The following NAPG variants were observed in gnomAD, a reference collection of about 807,000 sequenced individuals.
NAPG encodes the protein NSF attachment protein gamma, also known as gamma-soluble NSF attachment protein.
A neutral mutation model predicts 48.4 loss-of-function variants in NAPG; 25 were observed. That is an observed-to-expected ratio of 0.52 (90% CI 0.38 to 0.72). NAPG has a LOEUF of 0.72. NAPG is among the 30% of genes least tolerant of loss of function. The pLI is 0.00. For synonymous variants in NAPG, 139 were observed against 127.2 expected (o/e 1.09, Z -0.62); for missense variants, 359 against 372.5 (o/e 0.96, Z 0.30).
chr18:10,526,246 G>GGGGGGGGGGGGGGGGC, intron 1 of NAPG, 88 bp downstream of exon 1: 1 of 490,186 alleles, frequency 2.0e-6, no homozygotes, highest in East Asian at 5.8e-5. Flanking sequence ...GGGCGGGAGG[G>GGGGGGGGGGGGGGGGC]AGGGCTCAGG....
At chr18:10,541,008 TC>T (rs1210463052) in intron 8 of NAPG, among the ~76,000 whole-genome samples, 1 of 152,178 alleles carries the variant, frequency 6.6e-6, no homozygotes, top group Non-Finnish European at 1.5e-5. Flanking sequence ...TCTGCAGATA[TC>T]TTAATTGAAA....
intron 2 of NAPG, among the ~76,000 whole-genome samples, chr18:10,531,930 T>TA (rs1441314807): frequency 6.6e-6 from 1 of 152,196 alleles, no homozygotes; most frequent in Non-Finnish European, 1.5e-5. Context: ...AAAAGCAACA[T>TA]ATGGAAAAGC....
intron 1 of NAPG, among the ~76,000 whole-genome samples, chr18:10,530,271 C>G (rs752939080): frequency 9.9e-5 from 12 of 121,794 alleles, no homozygotes; most frequent in Non-Finnish European, 2.0e-4. Context: ...TCTTTCTGTT[C>G]TCTCTCTGCA....
intron 2 of NAPG, 75 bp from the exon 3 acceptor site, chr18:10,532,636 T>G: frequency 8.8e-7 from 1 of 1,130,936 alleles, no homozygotes; most frequent in Non-Finnish European, 1.3e-6. Flanking sequence ...ATACTTCATA[T>G]AAAATGCAGA....
At chr18:10,537,617 A>G (rs2032062870) in intron 5 of NAPG, among the ~76,000 whole-genome samples, 2 of 152,192 alleles carry the variant, frequency 1.3e-5, no homozygotes, top group Non-Finnish European at 1.5e-5. Flanking sequence ...TTAAAAGCCA[A>G]AATGACCCTC....
chr18:10,540,161 C>G lies in NAPG; in HGVS notation c.435+107C>G, dbSNP rs75947355. The G allele has an allele frequency of 3.0e-3, 3,182 of 1,077,110 alleles. 69 individuals carry two copies. In the African/African-American group the frequency reaches 0.046, roughly 15 times the overall value. The allele number at this position is 1,077,110 out of a possible 1,614,324, so 66.7% of individuals were successfully genotyped here. A position where few individuals can be genotyped will look rare whatever the true frequency, so the allele number is the denominator to read the frequency against. On this transcript the variant is annotated intron_variant, in intron 7 of 11. Transcript: ENST00000322897. Reference sequence around the variant, plus strand: ...GCTACTTTTAAAACTTTTCCCTGCTCACAGTTGCACGCTATTTCTTTTCTG... The same window carrying G: ...GCTACTTTTAAAACTTTTCCCTGCTGACAGTTGCACGCTATTTCTTTTCTG...
rs958771843 is a variant in NAPG at position 10,548,563 on chromosome 18, A to G, written c.665+185A>G. Among the ~76,000 whole-genome samples, 1 of 123,868 alleles carries G rather than the reference A, an allele frequency of 8.1e-6. No homozygotes were observed. The highest frequency in any genetic ancestry group is 8.1e-5 in the Admixed American group (1 of 12,348). The allele number at this position is 123,868 out of a possible 152,430, so 81.3% of individuals were successfully genotyped here. On this transcript the variant is annotated intron_variant, in intron 10 of 11. Coordinates refer to ENST00000322897, the MANE Select transcript of NAPG (RefSeq NM_003826.3). This position sits in a 1 kb window ranked among gnomAD's most constrained non-coding sequence, Gnocchi z 4.4. ...CCTTTTTTTTTTTTCCCTTTCCTGTATTTTTCTCTAGGGGACCTCCATGGA... is the reference window on the plus strand; with the variant it reads ...CCTTTTTTTTTTTTCCCTTTCCTGTGTTTTTCTCTAGGGGACCTCCATGGA...
chr18:10,528,676 A>G (rs1267103444), intron 1 of NAPG, among the ~76,000 whole-genome samples: 3 of 151,984 alleles, frequency 2.0e-5, no homozygotes, highest in Admixed American at 6.5e-5. Flanking sequence ...GTTAACTCCT[A>G]GGTTTCTAAC....
At chr18:10,545,487 C>T (rs1598412528) in intron 8 of NAPG, among the ~76,000 whole-genome samples, 1 of 152,200 alleles carries the variant, frequency 6.6e-6, no homozygotes, top group East Asian at 1.9e-4. Flanking sequence ...CTGGTAGTTT[C>T]TCCCATAACC....
Position 10,549,104 on chromosome 18 carries a change from G to T in NAPG, c.795+8G>T. ...AAGTACATGGACAATGATGTAAGTG[G>T]ACCCATTTGCATAGCTTTCATCTTT... On this transcript the variant is annotated splice_region_variant and intron_variant, in intron 11 of 11. Coordinates refer to ENST00000322897, the MANE Select transcript of NAPG (RefSeq NM_003826.3). 1 of 1,609,380 alleles carries T rather than the reference G, an allele frequency of 6.2e-7. No homozygotes were observed. Among genetic ancestry groups the T allele is most frequent in the South Asian group, 1.1e-5 (1 of 90,516 alleles).
rs2032315117 is a variant in NAPG at position 10,548,493 on chromosome 18, G to A, written c.665+115G>A. ...ATGAAACTGTCATTTCTAAATCTTA[G>A]GAGTGCTCATCTACCATTTCATCTT... On this transcript the variant is annotated intron_variant, in intron 10 of 11. Transcript: ENST00000322897. The surrounding 1 kb of genome is among the most constrained non-coding windows in gnomAD (Gnocchi z 4.4). The A allele has an allele frequency of 3.7e-6, 3 of 814,374 alleles. No homozygotes were observed. Among genetic ancestry groups the A allele is most frequent in the Non-Finnish European group, 2.0e-6 (1 of 505,052 alleles). The allele number at this position is 814,374 out of a possible 1,614,324, so 50.4% of individuals were successfully genotyped here. A position where few individuals can be genotyped will look rare whatever the true frequency, so the allele number is the denominator to read the frequency against.
At position 10,551,471 on chromosome 18, in the gene NAPG, A is replaced by G. The variant is rs2032392338; in HGVS notation, c.*1251A>G. 1.3e-5 allele frequency: 2 copies of G among 152,230 alleles called. No homozygotes were observed. Among genetic ancestry groups the G allele is most frequent in the South Asian group, 4.1e-4 (2 of 4,830 alleles). 9.4% of individuals were successfully genotyped at this position (152,230 alleles called of 1,614,324 possible). A position where few individuals can be genotyped will look rare whatever the true frequency, so the allele number is the denominator to read the frequency against. Reference sequence around the variant, plus strand: ...CACTGCCAATATATTGATCCTTTATAGTTATTTCCTAAAATGCTGTTTTCG... The same window carrying G: ...CACTGCCAATATATTGATCCTTTATGGTTATTTCCTAAAATGCTGTTTTCG... On this transcript the variant is annotated 3_prime_UTR_variant, in exon 12 of 12. Coordinates refer to ENST00000322897, the MANE Select transcript of NAPG (RefSeq NM_003826.3).
intron 11 of NAPG, 32 bp from the exon 12 acceptor site, chr18:10,550,045 C>T (rs1254822173): frequency 2.0e-6 from 3 of 1,493,462 alleles, no homozygotes; most frequent in Admixed American, 2.7e-5. Flanking sequence ...TCTAGTTATC[C>T]AGCTTTTAAG....
Position 10,548,943 on chromosome 18 carries a change from A to G in NAPG, c.666-24A>G. 6.2e-7 allele frequency: 1 copy of G among 1,607,724 alleles called. No individual in the cohort carries two copies. Among genetic ancestry groups the G allele is most frequent in the Non-Finnish European group, 8.5e-7 (1 of 1,175,914 alleles). On this transcript the variant is annotated intron_variant, in intron 10 of 11. Transcript: ENST00000322897. The surrounding 1 kb of genome is among the most constrained non-coding windows in gnomAD (Gnocchi z 4.4). The stretch of plus-strand genomic sequence containing the variant: ...GTGTTCTTTTAAGGAGAAGGTGAAG[A>G]CGTGTGATTTGTGCTTACTGCAGCA...
chr18:10,527,481 A>G (rs928990915), intron 1 of NAPG, among the ~76,000 whole-genome samples: 2 of 152,166 alleles, frequency 1.3e-5, no homozygotes, highest in African/African-American at 4.8e-5. Context: ...AGGTTCCCAC[A>G]ACATTCTGCT....
rs1046974555 is a variant in NAPG, at chr18:10,541,047, A to G, written c.506+648A>G. Among the ~76,000 whole-genome samples, 3 of 152,200 alleles carry G rather than the reference A, an allele frequency of 2.0e-5. No homozygotes were observed. The East Asian group carries it at 5.8e-4, about 29-fold the overall frequency. On this transcript the variant is annotated intron_variant, in intron 8 of 11. Coordinates refer to ENST00000322897, the MANE Select transcript of NAPG (RefSeq NM_003826.3). ...TGTCCAAAGCTTCCCAGTAACAGAA[A>G]ACACCCAAGATCCATTTAATATGTC...
At chr18:10,540,951 T>G (rs1567891801) in intron 8 of NAPG, among the ~76,000 whole-genome samples, 1 of 132,944 alleles carries the variant, frequency 7.5e-6, no homozygotes, top group African/African-American at 2.8e-5. Flanking sequence ...ATTAATAAAA[T>G]TCTGTCTCAA....
chr18:10,537,785 A>C (rs1353952651), intron 5 of NAPG, among the ~76,000 whole-genome samples: 4 of 152,220 alleles, frequency 2.6e-5, no homozygotes, highest in Admixed American at 2.6e-4. Flanking sequence ...TTGGAAATGC[A>C]TTAGCATTTC....
chr18:10,532,297 T>C (rs1250532333), intron 2 of NAPG, among the ~76,000 whole-genome samples: 1 of 152,202 alleles, frequency 6.6e-6, no homozygotes, highest in Non-Finnish European at 1.5e-5. Context: ...ATGTGCTTAT[T>C]GGCCCTCAGT....
Sources: gnomAD v4.1 joint callset for allele counts (sites outside exome capture counted in the v4.1 genomes callset) on GRCh38, gnomAD v4.1.1 for gene constraint, Gnocchi (gnomAD v3.1) non-coding constraint, MANE v1.5 for transcripts, NCBI Gene and HGNC (gene_info 2026-07-23, HGNC 2026-07-21) for gene names.